Variants in NEBL observed in about 807,000 individuals in gnomAD.
The protein encoded by NEBL is LIM and SH3 protein 2.
In NEBL, 122 loss-of-function variants were observed where a neutral mutation model predicts 140.2. The observed-to-expected ratio is 0.87, with a 90% confidence interval of 0.75 to 1.01. NEBL has a LOEUF of 1.01. Among genes scored for constraint, NEBL ranks in the 50% least tolerant of loss-of-function variants. The probability of loss-of-function intolerance (pLI) is 0.00; values close to 1 mark genes in which losing one functional copy is unlikely to be tolerated. For synonymous variants in NEBL, 436 were observed against 398.9 expected, an observed-to-expected ratio of 1.09 and a Z score of -1.11; for missense variants, 1,365 against 1,231.3, an observed-to-expected ratio of 1.11 and a Z score of -1.62.
intron 26 of NEBL, chr10:20,793,271 C>T (rs369918547): frequency 1.2e-6 from 1 of 819,482 alleles, no homozygotes; most frequent in Non-Finnish European, 1.5e-6. Context: ...GCCTAATCAT[C>T]GTGATACAAA....
At chr10:20,943,441 G>A (rs1158534488) in intron 4 of NEBL, among the ~76,000 whole-genome samples, 1 of 152,164 alleles carries the variant, frequency 6.6e-6, no homozygotes, top group Admixed American at 6.5e-5. Context: ...GGCCTGTGGT[G>A]GGTTGGGGAG....
intron 2 of NEBL, among the ~76,000 whole-genome samples, chr10:21,080,494 A>G (rs1836315032): frequency 6.6e-6 from 1 of 152,234 alleles, no homozygotes; most frequent in African/African-American, 2.4e-5. Flanking sequence ...TAATTCAACA[A>G]CTATTCTGTT....
intron 4 of NEBL, among the ~76,000 whole-genome samples, chr10:20,936,288 G>C (rs1834479969): frequency 6.6e-6 from 1 of 152,046 alleles, no homozygotes; most frequent in African/African-American, 2.4e-5. Context: ...GAATGAAACA[G>C]AATCACTTTA....
chr10:21,215,594 T>A (rs1841980267), intron 3 of NEBL, among the ~76,000 whole-genome samples: 1 of 152,166 alleles, frequency 6.6e-6, no homozygotes, highest in African/African-American at 2.4e-5. Flanking sequence ...AAAAATATAA[T>A]CTGTTTATTA....
intron 3 of NEBL, among the ~76,000 whole-genome samples, chr10:21,018,831 C>A (rs1838663580): frequency 6.6e-6 from 1 of 152,164 alleles, no homozygotes; most frequent in Non-Finnish European, 1.5e-5. Flanking sequence ...AGTTCAAGAC[C>A]AGCCTGACCA....
chr10:20,959,327 C>G (rs982462435), intron 4 of NEBL, among the ~76,000 whole-genome samples: 1 of 152,090 alleles, frequency 6.6e-6, no homozygotes, highest in African/African-American at 2.4e-5. Flanking sequence ...CATCTCTAGC[C>G]GGAAGATTCT....
chr10:21,167,111 G>A (rs541109912), intron 2 of NEBL, among the ~76,000 whole-genome samples: 1 of 152,200 alleles, frequency 6.6e-6, no homozygotes, highest in African/African-American at 2.4e-5. Context: ...GACTCGTCAC[G>A]AGATGCACCC....
rs536803702 is a variant in NEBL at position 21,196,587 on chromosome 10, C to A, written n.349-24110G>T. 1.9e-4 allele frequency among the ~76,000 whole-genome samples: 29 copies of A among 151,350 alleles called. No homozygotes were observed. In the East Asian group the frequency reaches 3.1e-3, roughly 16 times the overall value. On this transcript the variant is annotated intron_variant and non_coding_transcript_variant, in intron 3 of 8. Transcript: ENST00000675702. Reference sequence around the variant, plus strand: ...CTCGAACTCCTGACCTCCAGTGATCCGCCCGCCTCAGTCTCCCAAAGTGCT... The same window carrying A: ...CTCGAACTCCTGACCTCCAGTGATCAGCCCGCCTCAGTCTCCCAAAGTGCT...
Position 21,173,936 on chromosome 10 carries a change from G to A in NEBL, c.-103C>T, listed in dbSNP as rs1298793668. 5.7e-6 allele frequency: 8 copies of A among 1,403,364 alleles called. No homozygotes were observed. The highest frequency in any genetic ancestry group is 1.6e-5 in the South Asian group (1 of 63,438). 86.9% of individuals were successfully genotyped at this position (1,403,364 alleles called of 1,614,324 possible). ...GCACCGCCTCCTGGCAGGCGGGAGG[G>A]CTGCGGGCGGCGGGCGCCGGGTAGG... On this transcript the variant is annotated 5_prime_UTR_variant, in exon 1 of 7. Coordinates refer to the NEBL transcript ENST00000417816. This position sits in a 1 kb window ranked among gnomAD's most constrained non-coding sequence, Gnocchi z 5.7.
chr10:21,088,817 C>T (rs1242204711), intron 2 of NEBL, among the ~76,000 whole-genome samples: 1 of 152,230 alleles, frequency 6.6e-6, no homozygotes, highest in East Asian at 1.9e-4. Flanking sequence ...GAAGTATCTG[C>T]CAACCCTTCT....
At chr10:20,955,692 G>A (rs1476745077) in intron 4 of NEBL, among the ~76,000 whole-genome samples, 2 of 152,084 alleles carry the variant, frequency 1.3e-5, no homozygotes, top group Non-Finnish European at 2.9e-5. Context: ...TTAGGGTCTT[G>A]ATGAAAGAGA....
At chr10:21,055,353 C>T (rs1229327043) in intron 2 of NEBL, among the ~76,000 whole-genome samples, 3 of 152,242 alleles carry the variant, frequency 2.0e-5, no homozygotes, top group East Asian at 1.9e-4. Flanking sequence ...ATTTCTAAAT[C>T]GGCTAATTCA....
intron 3 of NEBL, among the ~76,000 whole-genome samples, chr10:21,005,010 A>C (rs1358312531): frequency 6.6e-6 from 1 of 152,222 alleles, no homozygotes; most frequent in Non-Finnish European, 1.5e-5. Context: ...CAAAAAAGGA[A>C]ATCAAGACCT....
intron 2 of NEBL, among the ~76,000 whole-genome samples, chr10:21,169,067 A>AAAAAAAAAT (rs1554830679): frequency 6.9e-4 from 16 of 23,070 alleles, no homozygotes; most frequent in Admixed American, 1.5e-3. Flanking sequence ...AAAAAAAAAA[A>AAAAAAAAAT]ATATATATAT....
intron 3 of NEBL, among the ~76,000 whole-genome samples, chr10:20,976,810 C>T (rs751284791): frequency 2.6e-5 from 4 of 151,874 alleles, no homozygotes; most frequent in Non-Finnish European, 5.9e-5. Flanking sequence ...GAAAAACTAC[C>T]TGTGAGATGC....
intron 2 of NEBL, among the ~76,000 whole-genome samples, chr10:21,031,681 A>C (rs1833801207): frequency 6.6e-6 from 1 of 152,202 alleles, no homozygotes; most frequent in African/African-American, 2.4e-5. Flanking sequence ...GCTTTTGCAG[A>C]TGACTCTGCT....
intron 3 of NEBL, among the ~76,000 whole-genome samples, chr10:20,980,072 T>C (rs1251266107): frequency 1.3e-5 from 2 of 150,536 alleles, no homozygotes; most frequent in African/African-American, 2.4e-5. Flanking sequence ...AAACAAACCA[T>C]AAAATTCACC....
chr10:20,968,100 AG>A (rs1160369712), intron 3 of NEBL, among the ~76,000 whole-genome samples: 1 of 152,154 alleles, frequency 6.6e-6, no homozygotes, highest in Non-Finnish European at 1.5e-5. Context: ...GGCCACTCTG[AG>A]TTTCTTCATC....
At chr10:21,047,981 A>G (rs1834594861) in intron 2 of NEBL, among the ~76,000 whole-genome samples, 2 of 152,240 alleles carry the variant, frequency 1.3e-5, no homozygotes, top group East Asian at 1.9e-4. Flanking sequence ...GTGGGGGTAC[A>G]CAGCACCAGA....
Sources: allele counts gnomAD v4.1 joint callset (sites outside exome capture counted in the v4.1 genomes callset), GRCh38; gene constraint gnomAD v4.1.1; non-coding constraint Gnocchi (gnomAD v3.1); transcripts MANE v1.5; gene names NCBI Gene and HGNC (gene_info 2026-07-23, HGNC 2026-07-21).